PIK3R1: variants seen among roughly 807,000 people sequenced by gnomAD.
The protein encoded by PIK3R1 is phosphatidylinositol 3-kinase regulatory subunit alpha.
In PIK3R1, 29 loss-of-function variants were observed where a neutral mutation model predicts 98.0. That is an observed-to-expected ratio of 0.30 (90% CI 0.22 to 0.40). PIK3R1 has a LOEUF of 0.40. PIK3R1 is among the 10% of genes least tolerant of loss of function. PIK3R1 has a pLI of 1.00. For missense variants in PIK3R1, 596 were observed against 872.7 expected (o/e 0.68, Z 3.99); for synonymous variants, 282 against 311.8 (o/e 0.90, Z 1.01).
chr5:68,290,088 A>G (rs1036534481), intron 7 of PIK3R1, among the ~76,000 whole-genome samples: 3 of 152,190 alleles, frequency 2.0e-5, no homozygotes, highest in Non-Finnish European at 4.4e-5. Flanking sequence ...AGAGGAGGAC[A>G]TCTATACATT....
At position 68,293,694 on chromosome 5, in the gene PIK3R1, T is replaced by C. The variant is rs750356306; in HGVS notation, c.1300-15T>C. On this transcript the variant is annotated splice_polypyrimidine_tract_variant and intron_variant, in intron 10 of 15. Transcript: ENST00000521381. ...TTAAATACCTTATCCATTGAATTTATTTTAATCTTTCTAGGATCAAGTTGT... is the reference window on the plus strand; with the variant it reads ...TTAAATACCTTATCCATTGAATTTACTTTAATCTTTCTAGGATCAAGTTGT... The C allele has an allele frequency of 4.3e-6, 6 of 1,408,006 alleles. No homozygotes were observed. The allele number at this position is 1,408,006 out of a possible 1,614,324, so 87.2% of individuals were successfully genotyped here.
In PIK3R1 at chr5:68,292,889, T is replaced by G. The variant is rs1283148175; in HGVS notation, c.1020-212T>G. On this transcript the variant is annotated intron_variant, in intron 8 of 15. Coordinates refer to ENST00000521381, the MANE Select transcript of PIK3R1 (RefSeq NM_181523.3). ...AGACTGCAATTGCTAACATTTCTAT[T>G]TAAACAAATTATTAGCTCTTATTAG... The G allele has an allele frequency of 1.7e-5, 12 of 696,158 alleles. No homozygotes were observed. In the Admixed American group the frequency reaches 3.6e-4, roughly 21 times the overall value. The allele number at this position is 696,158 out of a possible 1,614,324, so 43.1% of individuals were successfully genotyped here. A position where few individuals can be genotyped will look rare whatever the true frequency, so the allele number is the denominator to read the frequency against.
At chr5:68,230,840 G>T (rs1744436295) in intron 2 of PIK3R1, among the ~76,000 whole-genome samples, 1 of 152,178 alleles carries the variant, frequency 6.6e-6, no homozygotes, top group South Asian at 2.1e-4. Flanking sequence ...AGCCAGTAGA[G>T]CCCTATGTTA....
intron 2 of PIK3R1, among the ~76,000 whole-genome samples, chr5:68,271,859 C>T (rs1746374730): frequency 6.6e-6 from 1 of 152,196 alleles, no homozygotes; most frequent in Non-Finnish European, 1.5e-5. Flanking sequence ...TGCAAAATGA[C>T]TTAATCATAC....
chr5:68,257,235 G>A (rs1197066766), intron 2 of PIK3R1, among the ~76,000 whole-genome samples: 1 of 152,230 alleles, frequency 6.6e-6, no homozygotes, highest in Admixed American at 6.5e-5. Context: ...TCCAGAGGAA[G>A]AGCCATGAAG....
At chr5:68,231,190 A>C (rs1288876180) in intron 2 of PIK3R1, among the ~76,000 whole-genome samples, 1 of 152,216 alleles carries the variant, frequency 6.6e-6, no homozygotes. Context: ...TCCTTTAATT[A>C]AAGTCATGCT....
At chr5:68,224,741 C>G (rs901654180) in intron 1 of PIK3R1, among the ~76,000 whole-genome samples, 9 of 152,126 alleles carry the variant, frequency 5.9e-5, no homozygotes, top group Admixed American at 5.9e-4. Context: ...TTAACTGAAA[C>G]CTTTGGGTGG....
intron 12 of PIK3R1, 106 bp from the exon 13 acceptor site, chr5:68,295,042 T>C (rs1747629857): frequency 1.3e-6 from 1 of 780,568 alleles, no homozygotes; most frequent in Non-Finnish European, 1.9e-6. Flanking sequence ...AAGCCACGCT[T>C]TACCTAAGGA....
At chr5:68,222,369 C>G (rs911977945) in intron 1 of PIK3R1, among the ~76,000 whole-genome samples, 5 of 152,034 alleles carry the variant, frequency 3.3e-5, no homozygotes, top group Non-Finnish European at 7.4e-5. Context: ...GTCCTTGTGG[C>G]AGTGCCATAT....
In PIK3R1 at chr5:68,240,622, C is replaced by CCT. The variant is rs538311500; in HGVS notation, c.334+13616_334+13617dup. On this transcript the variant is annotated intron_variant, in intron 2 of 15. Transcript: ENST00000521381. ...CCTGAGTCTGCAGCAGACTCTGAGA[C>CCT]CTCTTTGCCTACCCCAAATAAGTGA... 4.6e-5 allele frequency among the ~76,000 whole-genome samples: 7 copies of CCT among 152,298 alleles called. No individual in the cohort carries two copies. In the South Asian group the frequency reaches 1.5e-3, roughly 32 times the overall value.
chr5:68,217,102 C>A (rs1743914306), intron 1 of PIK3R1, among the ~76,000 whole-genome samples: 4 of 151,898 alleles, frequency 2.6e-5, no homozygotes, highest in South Asian at 2.1e-4. Context: ...TCTTTTTTCT[C>A]TTCTTTTCCT....
At chr5:68,279,845 GT>G (rs1746752912) in intron 5 of PIK3R1, 112 bp downstream of exon 5, 1 of 1,005,984 alleles carries the variant, frequency 9.9e-7, no homozygotes, top group African/African-American at 1.6e-5. Flanking sequence ...GTAATAACCT[GT>G]CCCTCCCCCA....
At chr5:68,253,343 G>A (rs1360693766) in intron 2 of PIK3R1, among the ~76,000 whole-genome samples, 1 of 152,168 alleles carries the variant, frequency 6.6e-6, no homozygotes. Flanking sequence ...TGGAGAAAGA[G>A]CCAGCTAGCA....
chr5:68,256,642 G>A (rs1745529055), intron 2 of PIK3R1, among the ~76,000 whole-genome samples: 2 of 152,064 alleles, frequency 1.3e-5, no homozygotes. Context: ...ATGCATACAT[G>A]GGTATCCAGA....
rs770633857 is a variant in PIK3R1 at position 68,226,641 on chromosome 5, A to C, written c.-35A>C. On this transcript the variant is annotated 5_prime_UTR_variant, in exon 2 of 16. Coordinates refer to ENST00000521381, the MANE Select transcript of PIK3R1 (RefSeq NM_181523.3). ...TAAAATCAGACTGCTCTGTACAACC[A>C]GGCTCAACTGTTGCATGGTAGCAGA... The C allele has an allele frequency of 1.3e-6, 2 of 1,548,058 alleles. No homozygotes were observed. Among genetic ancestry groups the C allele is most frequent in the South Asian group, 2.2e-5 (2 of 89,296 alleles).
At chr5:68,256,836 G>A (rs543565923) in intron 2 of PIK3R1, among the ~76,000 whole-genome samples, 5 of 152,286 alleles carry the variant, frequency 3.3e-5, no homozygotes, top group Non-Finnish European at 7.4e-5. Context: ...GTTTGGCCTA[G>A]CCCTAGCCCT....
At chr5:68,288,312 C>T in intron 7 of PIK3R1, 1 of 708,900 alleles carries the variant, frequency 1.4e-6, no homozygotes, top group Non-Finnish European at 1.8e-6. Context: ...CTCCCCCTCC[C>T]GAAATCCCTA....
chr5:68,272,837 G>T (rs561928381), intron 2 of PIK3R1, among the ~76,000 whole-genome samples: 6 of 152,264 alleles, frequency 3.9e-5, no homozygotes, highest in Admixed American at 3.9e-4. Context: ...GAGGCTTGGG[G>T]CAAGAATGCA....
intron 2 of PIK3R1, among the ~76,000 whole-genome samples, chr5:68,261,389 C>T (rs1417155108): frequency 6.6e-6 from 1 of 152,050 alleles, no homozygotes; most frequent in Non-Finnish European, 1.5e-5. Context: ...AAATCTGGAA[C>T]ATATGGCCTC....
Sources: gnomAD v4.1 joint callset for allele counts (sites outside exome capture counted in the v4.1 genomes callset) on GRCh38, gnomAD v4.1.1 for gene constraint, MANE v1.5 for transcripts, NCBI Gene and HGNC (gene_info 2026-07-23, HGNC 2026-07-21) for gene names.